CNTNAP2: variants seen among roughly 807,000 people sequenced by gnomAD.
CNTNAP2 encodes contactin-associated protein-like 2.
A neutral mutation model predicts 155.2 loss-of-function variants in CNTNAP2; 98 were observed. The observed-to-expected ratio is 0.63, with a 90% CI of 0.54 to 0.75. The LOEUF (loss-of-function observed/expected upper bound fraction) is 0.75. Ranked by LOEUF, CNTNAP2 falls within the 30% of genes least tolerant of loss-of-function variation. CNTNAP2 has a pLI of 0.00. For synonymous variants in CNTNAP2, 651 were observed against 631.2 expected, an observed-to-expected ratio of 1.03 and a Z score of -0.47; for missense variants, 1,727 against 1,688.1, an observed-to-expected ratio of 1.02 and a Z score of -0.40.
chr7:147,820,095 C>T (rs1479089687), intron 13 of CNTNAP2, among the ~76,000 whole-genome samples: 2 of 151,978 alleles, frequency 1.3e-5, no homozygotes, highest in African/African-American at 4.8e-5. Context: ...AGGAGTTATA[C>T]CTATTTACAT....
intron 13 of CNTNAP2, among the ~76,000 whole-genome samples, chr7:147,743,743 A>C (rs1388554914): frequency 6.6e-6 from 1 of 150,746 alleles, no homozygotes; most frequent in African/African-American, 2.4e-5. Context: ...CGTGTGTTTT[A>C]ACGTCAGTCC....
chr7:147,033,427 G>A (rs796926308), intron 3 of CNTNAP2, among the ~76,000 whole-genome samples: 1 of 151,048 alleles, frequency 6.6e-6, no homozygotes, highest in African/African-American at 2.4e-5. Flanking sequence ...TAATTATAAC[G>A]ACATCCCCCT....
At chr7:147,644,000 T>C (rs1479426082) in intron 13 of CNTNAP2, among the ~76,000 whole-genome samples, 1 of 152,216 alleles carries the variant, frequency 6.6e-6, no homozygotes, top group Non-Finnish European at 1.5e-5. Flanking sequence ...AAATTAAAAA[T>C]AATGATTTTG....
intron 13 of CNTNAP2, among the ~76,000 whole-genome samples, chr7:147,863,663 C>T (rs1799173420): frequency 6.6e-6 from 1 of 152,114 alleles, no homozygotes; most frequent in Non-Finnish European, 1.5e-5. Context: ...TTTTGATTTG[C>T]ATTTCTCTGA....
intron 1 of CNTNAP2, among the ~76,000 whole-genome samples, chr7:146,206,649 G>A (rs1798951158): frequency 6.6e-6 from 1 of 151,908 alleles, no homozygotes. Flanking sequence ...AGGTGTTTCT[G>A]GTCAACATTA....
intron 21 of CNTNAP2, among the ~76,000 whole-genome samples, chr7:148,360,001 T>A (rs1460628500): frequency 6.6e-6 from 1 of 152,232 alleles, no homozygotes; most frequent in Non-Finnish European, 1.5e-5. Flanking sequence ...TCTTTATTTC[T>A]GCAGTTTCTA....
intron 13 of CNTNAP2, among the ~76,000 whole-genome samples, chr7:147,861,668 G>A (rs1434928170): frequency 6.6e-6 from 1 of 152,050 alleles, no homozygotes; most frequent in African/African-American, 2.4e-5. Context: ...GGCAACGCTG[G>A]GACACCTAGC....
At chr7:147,664,588 T>C (rs1239790851) in intron 13 of CNTNAP2, among the ~76,000 whole-genome samples, 1 of 152,206 alleles carries the variant, frequency 6.6e-6, no homozygotes, top group Non-Finnish European at 1.5e-5. Context: ...AACGAAGCAT[T>C]CGGAGATGTT....
intron 4 of CNTNAP2, among the ~76,000 whole-genome samples, chr7:147,090,875 C>T (rs1467381768): frequency 6.6e-6 from 1 of 152,092 alleles, no homozygotes; most frequent in Non-Finnish European, 1.5e-5. Flanking sequence ...TTTAAAATTG[C>T]ATTTGAAATA....
intron 1 of CNTNAP2, among the ~76,000 whole-genome samples, chr7:146,569,824 A>G (rs1164310801): frequency 1.3e-5 from 2 of 152,160 alleles, no homozygotes; most frequent in Non-Finnish European, 2.9e-5. Context: ...TTTTATCTAC[A>G]TTGTTATAAC....
At chr7:147,016,394 A>C (rs181610658) in intron 3 of CNTNAP2, among the ~76,000 whole-genome samples, 2 of 152,122 alleles carry the variant, frequency 1.3e-5, no homozygotes, top group Non-Finnish European at 2.9e-5. Context: ...CCTGTATTCA[A>C]ATCTCCCCTC....
intron 21 of CNTNAP2, among the ~76,000 whole-genome samples, chr7:148,274,015 G>C (rs1411745063): frequency 6.6e-6 from 1 of 152,174 alleles, no homozygotes; most frequent in Non-Finnish European, 1.5e-5. Flanking sequence ...CATATACTGT[G>C]ATAACCATGC....
intron 18 of CNTNAP2, among the ~76,000 whole-genome samples, chr7:148,209,169 C>T (rs1795501283): frequency 1.3e-5 from 2 of 152,116 alleles, no homozygotes; most frequent in Non-Finnish European, 2.9e-5. Flanking sequence ...TCTGTTGCCC[C>T]AGCTGGAGTG....
intron 1 of CNTNAP2, among the ~76,000 whole-genome samples, chr7:146,646,347 T>G (rs1799811410): frequency 6.6e-6 from 1 of 152,192 alleles, no homozygotes; most frequent in African/African-American, 2.4e-5. Context: ...CGTGCACATG[T>G]GTATTTATGT....
At chr7:148,253,338 C>T (rs776904452) in intron 20 of CNTNAP2, among the ~76,000 whole-genome samples, 15 of 152,182 alleles carry the variant, frequency 9.9e-5, no homozygotes, top group Non-Finnish European at 2.1e-4. Context: ...TTCAAAACGC[C>T]TCCACTCTGC....
intron 16 of CNTNAP2, among the ~76,000 whole-genome samples, chr7:148,136,690 C>T (rs1387717204): frequency 6.6e-6 from 1 of 152,122 alleles, no homozygotes; most frequent in African/African-American, 2.4e-5. Context: ...GTATGTCAAA[C>T]CATCCCAGGA....
intron 15 of CNTNAP2, among the ~76,000 whole-genome samples, chr7:148,048,413 C>T (rs1477330225): frequency 6.6e-6 from 1 of 152,108 alleles, no homozygotes; most frequent in Non-Finnish European, 1.5e-5. Context: ...ACCTCCTTTC[C>T]CCCTCTCCCT....
At position 148,372,402 on chromosome 7, in the gene CNTNAP2, T is replaced by A. The variant is rs183814292; in HGVS notation, c.3476-11247T>A. 3.6e-3 allele frequency among the ~76,000 whole-genome samples: 540 copies of A among 152,102 alleles called. 4 individuals carry two copies. The highest frequency in any genetic ancestry group is 0.013 in the African/African-American group (522 of 41,506). On this transcript the variant is annotated intron_variant, in intron 21 of 23. Transcript: ENST00000361727. ...ACATTAAATTTACCTTTTACAATTT[T>A]CTTTCTTTAATAATAAATTAACCAG...
intron 3 of CNTNAP2, among the ~76,000 whole-genome samples, chr7:147,043,213 T>C (rs1799292123): frequency 6.6e-6 from 1 of 151,986 alleles, no homozygotes; most frequent in Non-Finnish European, 1.5e-5. Context: ...TGTTGAATGA[T>C]CGTTATGTAT....
Sources: gnomAD v4.1 joint callset for allele counts (sites outside exome capture counted in the v4.1 genomes callset) on GRCh38, gnomAD v4.1.1 for gene constraint, MANE v1.5 for transcripts, NCBI Gene and HGNC (gene_info 2026-07-23, HGNC 2026-07-21) for gene names.